RABGAP1L: variants seen among roughly 807,000 people sequenced by gnomAD.
The protein encoded by RABGAP1L is rab GTPase-activating protein 1-like.
Under a neutral mutation model 137.7 loss-of-function variants are expected in RABGAP1L, and 63 were observed. That is an observed-to-expected ratio of 0.46 (90% CI 0.37 to 0.56). RABGAP1L has a LOEUF of 0.56. Among genes scored for constraint, RABGAP1L ranks in the 20% least tolerant of loss-of-function variants. The pLI, the probability that RABGAP1L is intolerant of heterozygous loss-of-function variation, is 0.00. For synonymous variants in RABGAP1L, 431 were observed against 433.7 expected (o/e 0.99, Z 0.08); for missense variants, 1,095 against 1,244.0 (o/e 0.88, Z 1.80).
intron 20 of RABGAP1L, chr1:174,964,768 A>G: frequency 7.5e-7 from 1 of 1,335,614 alleles, no homozygotes. Context: ...TGGCTACCTC[A>G]AGTATCTTTG....
intron 13 of RABGAP1L, among the ~76,000 whole-genome samples, chr1:174,420,781 T>A (rs1413711941): frequency 1.3e-5 from 2 of 151,702 alleles, no homozygotes; most frequent in African/African-American, 2.4e-5. Context: ...TTCACGCCAT[T>A]CTCCTGTCTC....
chr1:174,863,149 G>T (rs1315115662), intron 19 of RABGAP1L, among the ~76,000 whole-genome samples: 1 of 140,160 alleles, frequency 7.1e-6, no homozygotes, highest in Non-Finnish European at 1.5e-5. Context: ...CCACCTCGGC[G>T]TCCCAAAGTG....
chr1:174,321,439 G>C (rs150789168), intron 11 of RABGAP1L, among the ~76,000 whole-genome samples: 1 of 152,068 alleles, frequency 6.6e-6, no homozygotes, highest in African/African-American at 2.4e-5. Flanking sequence ...TTGTGGCTTG[G>C]GGGGCATCAT....
chr1:174,503,772 C>CA (rs1001927567), intron 13 of RABGAP1L, among the ~76,000 whole-genome samples: 8 of 149,524 alleles, frequency 5.4e-5, no homozygotes, highest in Admixed American at 4.7e-4. Context: ...ACAATAGCTA[C>CA]AAAAAAATTA....
At chr1:174,647,756 T>C (rs1460848868) in intron 14 of RABGAP1L, among the ~76,000 whole-genome samples, 1 of 152,076 alleles carries the variant, frequency 6.6e-6, no homozygotes, top group Non-Finnish European at 1.5e-5. Flanking sequence ...CTTTTTCTAT[T>C]TTTGAAATAG....
chr1:174,670,714 T>C (rs1477051822), intron 14 of RABGAP1L, among the ~76,000 whole-genome samples: 1 of 152,164 alleles, frequency 6.6e-6, no homozygotes. Flanking sequence ...ATCCATGTTG[T>C]TGCAATTGAT....
intron 19 of RABGAP1L, among the ~76,000 whole-genome samples, chr1:174,825,296 G>A (rs1286502051): frequency 6.6e-6 from 1 of 152,202 alleles, no homozygotes; most frequent in Non-Finnish European, 1.5e-5. Flanking sequence ...TAGGAGAAGC[G>A]TCACGTTCTC....
chr1:174,820,353 A>G (rs1449320813), intron 19 of RABGAP1L, among the ~76,000 whole-genome samples: 1 of 152,122 alleles, frequency 6.6e-6, no homozygotes, highest in Non-Finnish European at 1.5e-5. Flanking sequence ...GCCCATTTCC[A>G]TGGTATGAAT....
At chr1:174,606,003 G>A (rs1670763538) in intron 13 of RABGAP1L, among the ~76,000 whole-genome samples, 2 of 152,158 alleles carry the variant, frequency 1.3e-5, no homozygotes, top group African/African-American at 4.8e-5. Context: ...ATGTTGCACT[G>A]AAAGGGGCTC....
At chr1:174,904,784 G>A (rs1284438575) in intron 19 of RABGAP1L, among the ~76,000 whole-genome samples, 2 of 152,072 alleles carry the variant, frequency 1.3e-5, no homozygotes, top group Admixed American at 6.6e-5. Context: ...TGAGTATTGG[G>A]ACTACAGGTG....
intron 4 of RABGAP1L, among the ~76,000 whole-genome samples, chr1:174,234,233 G>A (rs1174220363): frequency 9.7e-6 from 1 of 102,682 alleles, no homozygotes; most frequent in African/African-American, 5.9e-5. Context: ...TCACTCTGAT[G>A]GTAGTTTCTT....
intron 13 of RABGAP1L, among the ~76,000 whole-genome samples, chr1:174,495,365 G>A (rs1233860859): frequency 6.6e-6 from 1 of 151,778 alleles, no homozygotes; most frequent in African/African-American, 2.4e-5. Flanking sequence ...TCTTTTTCTA[G>A]CTCTTCCCCC....
At chr1:174,855,657 C>T (rs1431691800) in intron 19 of RABGAP1L, among the ~76,000 whole-genome samples, 2 of 152,134 alleles carry the variant, frequency 1.3e-5, no homozygotes, top group South Asian at 4.1e-4. Context: ...CATTTTCTGC[C>T]CCTATTAAAC....
intron 11 of RABGAP1L, among the ~76,000 whole-genome samples, chr1:174,311,720 C>T (rs1387875672): frequency 6.6e-6 from 1 of 152,186 alleles, no homozygotes; most frequent in African/African-American, 2.4e-5. Context: ...GATTCTCTTG[C>T]CTCAGCCTTC....
At chr1:174,418,905 G>A (rs964808368) in intron 13 of RABGAP1L, among the ~76,000 whole-genome samples, 2 of 152,120 alleles carry the variant, frequency 1.3e-5, no homozygotes, top group African/African-American at 4.8e-5. Flanking sequence ...AGGTGTGGTA[G>A]TGTGCACCTG....
At chr1:174,703,123 T>A (rs1679783192) in intron 17 of RABGAP1L, among the ~76,000 whole-genome samples, 1 of 152,040 alleles carries the variant, frequency 6.6e-6, no homozygotes. Context: ...TTAAAAAAAA[T>A]TTTTTTTGTA....
At chr1:174,614,983 AT>A (rs1254497299) in intron 13 of RABGAP1L, among the ~76,000 whole-genome samples, 1 of 151,966 alleles carries the variant, frequency 6.6e-6, no homozygotes, top group Non-Finnish European at 1.5e-5. Flanking sequence ...ATTTGTCTAA[AT>A]TTTTTTCAAA....
At chr1:174,824,180 C>T (rs2148894328) in intron 19 of RABGAP1L, among the ~76,000 whole-genome samples, 1 of 152,190 alleles carries the variant, frequency 6.6e-6, no homozygotes, top group South Asian at 2.1e-4. Flanking sequence ...ATCCCAGCTA[C>T]TAGGGAGGCT....
At chr1:174,176,654 G>A (rs1665875292) in intron 1 of RABGAP1L, among the ~76,000 whole-genome samples, 1 of 136,262 alleles carries the variant, frequency 7.3e-6, no homozygotes, top group African/African-American at 2.7e-5. Flanking sequence ...GGAGGTTGCA[G>A]TGAGCTGACA....
Sources: allele counts gnomAD v4.1 joint callset (sites outside exome capture counted in the v4.1 genomes callset), GRCh38; gene constraint gnomAD v4.1.1; transcripts MANE v1.5; gene names NCBI Gene and HGNC (gene_info 2026-07-23, HGNC 2026-07-21).